Variants in HLCS observed in about 807,000 individuals in gnomAD.
The protein encoded by HLCS is biotin--protein ligase.
HLCS carries 53 observed loss-of-function variants against 75.0 expected under a neutral mutation model. The ratio of observed to expected loss-of-function variants is 0.71; its 90% CI spans 0.57 to 0.89. The LOEUF (loss-of-function observed/expected upper bound fraction) is 0.89. HLCS is among the 40% of genes least tolerant of loss of function. HLCS has a pLI of 0.00. For synonymous variants in HLCS, 431 were observed against 428.6 expected (o/e 1.01, Z -0.07); for missense variants, 966 against 1,074.0 (o/e 0.90, Z 1.41).
intron 6 of HLCS, among the ~76,000 whole-genome samples, chr21:36,869,898 A>G (rs1486441690): frequency 6.6e-6 from 1 of 152,108 alleles, no homozygotes; most frequent in African/African-American, 2.4e-5. Flanking sequence ...GGGAACTTTA[A>G]CTTCTGGGAA....
At chr21:36,921,999 A>G (rs982341199) in intron 5 of HLCS, among the ~76,000 whole-genome samples, 2 of 152,208 alleles carry the variant, frequency 1.3e-5, no homozygotes, top group African/African-American at 2.4e-5. Context: ...AAATAAATAA[A>G]TATATAAATG....
In HLCS at chr21:36,910,882, CCT is replaced by C. The variant is rs533979068; in HGVS notation, c.1621-13753_1621-13752del. On this transcript the variant is annotated intron_variant, in intron 5 of 10. Coordinates refer to ENST00000674895, the MANE Select transcript of HLCS (RefSeq NM_001352514.2). ...AAAACTGCTGCTTCCTGCTTCCCACCCTGTGTTCTGCCACTAGCCCCAAGCAC... is the reference window on the plus strand; with the variant it reads ...AAAACTGCTGCTTCCTGCTTCCCACCGTGTTCTGCCACTAGCCCCAAGCAC... Among the ~76,000 whole-genome samples, 361 of 152,284 alleles carry C rather than the reference CCT, an allele frequency of 2.4e-3. 7 individuals are homozygous for C. The South Asian group carries it at 0.028, about 12-fold the overall frequency.
intron 6 of HLCS, among the ~76,000 whole-genome samples, chr21:36,776,676 G>C (rs548880789): frequency 6.6e-6 from 1 of 152,234 alleles, no homozygotes; most frequent in African/African-American, 2.4e-5. Flanking sequence ...GCCCCCCAAA[G>C]TGCTGGGATT....
chr21:36,807,693 C>T (rs559771357), intron 6 of HLCS, among the ~76,000 whole-genome samples: 54 of 152,260 alleles, frequency 3.5e-4, no homozygotes, highest in African/African-American at 1.2e-3. Flanking sequence ...TGTTCATCAC[C>T]GCGTTTCATC....
chr21:36,770,304 G>A (rs574100241), intron 6 of HLCS, among the ~76,000 whole-genome samples: 3 of 152,080 alleles, frequency 2.0e-5, no homozygotes, highest in African/African-American at 7.2e-5. Context: ...GCACCACCAT[G>A]CCCAACAAAT....
intron 6 of HLCS, among the ~76,000 whole-genome samples, chr21:36,790,148 A>G (rs960748394): frequency 4.6e-5 from 7 of 152,150 alleles, no homozygotes; most frequent in Non-Finnish European, 8.8e-5. Flanking sequence ...GCTCATGCCT[A>G]TAATCCCAGC....
At chr21:36,888,475 T>C (rs1315589368) in intron 6 of HLCS, among the ~76,000 whole-genome samples, 1 of 126,066 alleles carries the variant, frequency 7.9e-6, no homozygotes, top group African/African-American at 3.2e-5. Flanking sequence ...TATATATATA[T>C]ATATATATAT....
intron 6 of HLCS, among the ~76,000 whole-genome samples, chr21:36,844,850 C>A (rs780162928): frequency 2.5e-4 from 38 of 152,236 alleles, no homozygotes; most frequent in Non-Finnish European, 4.7e-4. Flanking sequence ...ATTCGGTGCT[C>A]CCTAATTACA....
At chr21:36,781,445 A>G (rs976570804) in intron 6 of HLCS, among the ~76,000 whole-genome samples, 3 of 152,098 alleles carry the variant, frequency 2.0e-5, no homozygotes, top group Non-Finnish European at 4.4e-5. Context: ...TCTTGTGTTG[A>G]TTGTGCATAT....
intron 6 of HLCS, among the ~76,000 whole-genome samples, chr21:36,777,898 T>G (rs2060409243): frequency 6.6e-6 from 1 of 152,248 alleles, no homozygotes; most frequent in Non-Finnish European, 1.5e-5. Context: ...TAAATCTATT[T>G]CTCATGAAAT....
chr21:36,824,883 T>C (rs1384309811), intron 6 of HLCS, among the ~76,000 whole-genome samples: 3 of 152,202 alleles, frequency 2.0e-5, no homozygotes, highest in Non-Finnish European at 2.9e-5. Context: ...CATGCTCACA[T>C]TTGGTGCATG....
At chr21:36,939,719 T>C (rs958693620) in intron 2 of HLCS, among the ~76,000 whole-genome samples, 2 of 152,160 alleles carry the variant, frequency 1.3e-5, no homozygotes, top group Admixed American at 6.5e-5. Flanking sequence ...GGAACACCCA[T>C]GCTCTCTCTG....
chr21:36,857,391 A>G (rs1272511192), intron 6 of HLCS, among the ~76,000 whole-genome samples: 2 of 152,206 alleles, frequency 1.3e-5, no homozygotes, highest in Non-Finnish European at 2.9e-5. Context: ...TAGGAGAGAT[A>G]CAGAGAACCT....
intron 6 of HLCS, among the ~76,000 whole-genome samples, chr21:36,782,250 C>CT (rs1471816261): frequency 2.0e-5 from 3 of 152,156 alleles, no homozygotes; most frequent in Non-Finnish European, 2.9e-5. Flanking sequence ...CTGAGGAAGA[C>CT]TAAAAAAAAA....
At chr21:36,828,731 T>C (rs1252078675) in intron 6 of HLCS, among the ~76,000 whole-genome samples, 1 of 152,234 alleles carries the variant, frequency 6.6e-6, no homozygotes, top group Non-Finnish European at 1.5e-5. Flanking sequence ...ATCTGTAAAT[T>C]TGATTGCATA....
intron 8 of HLCS, 76 bp downstream of exon 8, chr21:36,764,936 G>T: frequency 6.7e-7 from 1 of 1,498,062 alleles, no homozygotes. Context: ...AATTATGCAA[G>T]CACATGCTAT....
chr21:36,858,458 G>T (rs2063272936), intron 6 of HLCS, among the ~76,000 whole-genome samples: 1 of 152,316 alleles, frequency 6.6e-6, no homozygotes, highest in African/African-American at 2.4e-5. Context: ...CAGAAGATTG[G>T]GGGGAAACGA....
At chr21:36,926,245 C>G (rs898204218) in intron 5 of HLCS, among the ~76,000 whole-genome samples, 1 of 152,192 alleles carries the variant, frequency 6.6e-6, no homozygotes, top group African/African-American at 2.4e-5. Flanking sequence ...CCCAGGGGTA[C>G]CTTCCACCCA....
At chr21:36,910,504 C>T (rs929953156) in intron 5 of HLCS, among the ~76,000 whole-genome samples, 6 of 151,288 alleles carry the variant, frequency 4.0e-5, no homozygotes, top group Admixed American at 3.9e-4. Flanking sequence ...AGAGATCGCG[C>T]CACTGCACTC....
Sources: allele counts gnomAD v4.1 joint callset (sites outside exome capture counted in the v4.1 genomes callset), GRCh38; gene constraint gnomAD v4.1.1; transcripts MANE v1.5; gene names NCBI Gene and HGNC (gene_info 2026-07-23, HGNC 2026-07-21).